The following MARS1 variants were observed in gnomAD, a reference collection of about 807,000 sequenced individuals.
The protein encoded by MARS1 is methionine--tRNA ligase, cytoplasmic.
In MARS1, 80 loss-of-function variants were observed where a neutral mutation model predicts 119.5. The ratio of observed to expected loss-of-function variants is 0.67; its 90% CI spans 0.56 to 0.81. The LOEUF is 0.81. Among genes scored for constraint, MARS1 ranks in the 30% least tolerant of loss-of-function variants. The pLI, the probability that MARS1 is intolerant of heterozygous loss-of-function variation, is 0.00. For missense variants in MARS1, 945 were observed against 1,116.5 expected, an observed-to-expected ratio of 0.85 and a Z score of 2.19; for synonymous variants, 418 against 433.4, an observed-to-expected ratio of 0.96 and a Z score of 0.44.
Position 57,488,205 on chromosome 12 carries a change from C to CGTGCTG in MARS1, c.109+16_109+21dup, listed in dbSNP as rs763091763. ...CAGCACTGTAGGCCCGGAAGGTACT[C>CGTGCTG]GTGCTGGTGCTGGTGGGCGGTGGAT... On this transcript the variant is annotated splice_region_variant and intron_variant, in intron 1 of 20. Transcript: ENST00000262027. The CGTGCTG allele has an allele frequency of 5.6e-6, 9 of 1,606,110 alleles. No homozygotes were observed. In the South Asian group the frequency reaches 8.8e-5, roughly 16 times the overall value.
Position 57,488,213 on chromosome 12 carries a change from T to C in MARS1, c.109+14T>C. The C allele has an allele frequency of 6.2e-7, 1 of 1,603,758 alleles. No homozygotes were observed. Among genetic ancestry groups the C allele is most frequent in the African/African-American group, 1.3e-5 (1 of 74,842 alleles). Reference sequence around the variant, plus strand: ...TAGGCCCGGAAGGTACTCGTGCTGGTGCTGGTGGGCGGTGGATGGGGGGGC... The same window carrying C: ...TAGGCCCGGAAGGTACTCGTGCTGGCGCTGGTGGGCGGTGGATGGGGGGGC... On this transcript the variant is annotated intron_variant, in intron 1 of 20. Coordinates refer to ENST00000262027, the MANE Select transcript of MARS1 (RefSeq NM_004990.4).
At chr12:57,497,411 G>A (rs1160460987) in intron 7 of MARS1, among the ~76,000 whole-genome samples, 1 of 152,194 alleles carries the variant, frequency 6.6e-6, no homozygotes, top group Non-Finnish European at 1.5e-5. Flanking sequence ...GGCTAAGAAT[G>A]GTTGGAAAGA....
intron 7 of MARS1, 49 bp downstream of exon 7, chr12:57,490,693 T>C (rs550042714): frequency 6.5e-7 from 1 of 1,547,748 alleles, no homozygotes; most frequent in East Asian, 2.2e-5. Flanking sequence ...GTAGTGGAAA[T>C]TGTTGATAGA....
intron 9 of MARS1, among the ~76,000 whole-genome samples, chr12:57,499,927 T>C (rs1876839220): frequency 6.6e-6 from 1 of 152,114 alleles, no homozygotes; most frequent in Non-Finnish European, 1.5e-5. Flanking sequence ...CCCAAAACTT[T>C]ACATAGTAGA....
Position 57,498,223 on chromosome 12 carries a change from C to T in MARS1, c.837C>T (p.Pro279=), listed in dbSNP as rs771491287. 2 of 1,614,188 alleles carry T rather than the reference C, an allele frequency of 1.2e-6. No individual in the cohort carries two copies. The highest frequency in any genetic ancestry group is 1.7e-5 in the Admixed American group (1 of 60,016). The part of the protein sequence containing the change: ...TSALPYVNNV[P]HLGNIIGCVL... ...CCCTCCCTTACGTCAACAATGTCCCCCACCTTGGGAACATCATTGGTTGTG... is the reference window on the plus strand; with the variant it reads ...CCCTCCCTTACGTCAACAATGTCCCTCACCTTGGGAACATCATTGGTTGTG... Residue 279 remains proline, a synonymous_variant, in exon 8 of 21, where the codon CCC becomes CCT. Transcript: ENST00000262027.
At chr12:57,514,323 A>G (rs893818339) in intron 15 of MARS1, among the ~76,000 whole-genome samples, 2 of 151,678 alleles carry the variant, frequency 1.3e-5, no homozygotes, top group African/African-American at 4.8e-5. Context: ...ACGCCCGGCT[A>G]ATTTTTTGCA....
intron 11 of MARS1, among the ~76,000 whole-genome samples, chr12:57,508,336 C>T (rs1236286138): frequency 6.6e-6 from 1 of 152,198 alleles, no homozygotes; most frequent in Non-Finnish European, 1.5e-5. Flanking sequence ...TTGTAGCGAG[C>T]CGAGATCACA....
chr12:57,490,264 A>G lies in MARS1; in HGVS notation c.548A>G (p.Gln183Arg). Residue 183 changes from glutamine (Q) to arginine (R), a missense_variant, in exon 6 of 21, where the codon CAG becomes CGG. Physicochemically the swap from Gln to Arg is conservative, Grantham distance 43 (BLOSUM62 1). Transcript: ENST00000262027. The part of the protein sequence containing the change: ...FQTLSTQEPC[Q>R]RAAETVLKQQ... ...ACACTGAGTACCCAGGAACCATGTC[A>G]GCGAGCTGCAGAGACTGTACTGAAA... 1.9e-6 allele frequency: 3 copies of G among 1,613,774 alleles called. No homozygotes were observed. Among genetic ancestry groups the G allele is most frequent in the Non-Finnish European group, 2.5e-6 (3 of 1,180,042 alleles).
chr12:57,493,920 T>C (rs1221200204), intron 7 of MARS1, among the ~76,000 whole-genome samples: 12 of 76,830 alleles, frequency 1.6e-4, no homozygotes, highest in Non-Finnish European at 2.7e-4. Context: ...ATATAATATA[T>C]ATAATATATA....
chr12:57,507,347 G>A (rs71432308), intron 11 of MARS1, among the ~76,000 whole-genome samples: 1 of 147,290 alleles, frequency 6.8e-6, no homozygotes, highest in African/African-American at 2.5e-5. Context: ...ATCATGGCCC[G>A]TTCTCAATGA....
At chr12:57,515,482 A>C in intron 18 of MARS1, 146 bp downstream of exon 18, 1 of 751,100 alleles carries the variant, frequency 1.3e-6, no homozygotes, top group South Asian at 1.9e-5. Flanking sequence ...GTAGTCGTTC[A>C]CAAGTCCGGA....
chr12:57,498,775 T>C (rs1594819615), intron 9 of MARS1, 152 bp downstream of exon 9: 3 of 722,984 alleles, frequency 4.1e-6, no homozygotes, highest in East Asian at 5.3e-5. Context: ...CCAGGCATTT[T>C]TGAGGGAAGA....
chr12:57,508,201 C>T (rs1289817184), intron 11 of MARS1, among the ~76,000 whole-genome samples: 1 of 152,154 alleles, frequency 6.6e-6, no homozygotes, highest in Admixed American at 6.5e-5. Flanking sequence ...AGAGGGGCTC[C>T]TCACATCCCA....
At chr12:57,500,958 G>C (rs879554849) in intron 10 of MARS1, among the ~76,000 whole-genome samples, 2 of 152,148 alleles carry the variant, frequency 1.3e-5, no homozygotes, top group Admixed American at 6.5e-5. Flanking sequence ...ATTTAGTATG[G>C]TCAGGAGACC....
At chr12:57,512,568 A>T (rs1877573435) in intron 14 of MARS1, 183 bp from the exon 15 acceptor site, 1 of 645,494 alleles carries the variant, frequency 1.5e-6, no homozygotes, top group Non-Finnish European at 2.7e-6. Flanking sequence ...AAGCAAAGAG[A>T]AAAAAGGGCC....
intron 7 of MARS1, among the ~76,000 whole-genome samples, chr12:57,496,868 T>C (rs376069688): frequency 1.3e-5 from 2 of 152,182 alleles, no homozygotes; most frequent in African/African-American, 4.8e-5. Flanking sequence ...ACAGTTGGCA[T>C]TGAAGATCCT....
At chr12:57,505,650 C>T (rs1239668628) in intron 11 of MARS1, among the ~76,000 whole-genome samples, 7 of 150,670 alleles carry the variant, frequency 4.6e-5, no homozygotes, top group Non-Finnish European at 8.9e-5. Context: ...GTCTTTACAA[C>T]ATAATTGAAA....
chr12:57,503,589 G>C (rs1362546317), intron 10 of MARS1, among the ~76,000 whole-genome samples: 1 of 150,672 alleles, frequency 6.6e-6, no homozygotes, highest in African/African-American at 2.4e-5. Context: ...TCTGTCAGCA[G>C]CCTGGCGTGC....
rs577851963 is a variant in MARS1, at chr12:57,511,167, G to T, written c.1369-531G>T. 7.9e-5 allele frequency among the ~76,000 whole-genome samples: 12 copies of T among 152,124 alleles called. No homozygotes were observed. The East Asian group carries it at 2.3e-3, about 29-fold the overall frequency. On this transcript the variant is annotated intron_variant, in intron 11 of 20. Coordinates refer to ENST00000262027, the MANE Select transcript of MARS1 (RefSeq NM_004990.4). ...TAAAAAAAAAAAAATTTTTTTTAGG[G>T]ACAGGATTTTGCTGTGTTGCCCAGG...
Sources: allele counts gnomAD v4.1 joint callset (sites outside exome capture counted in the v4.1 genomes callset), GRCh38; gene constraint gnomAD v4.1.1; transcripts MANE v1.5; gene names NCBI Gene and HGNC (gene_info 2026-07-23, HGNC 2026-07-21).